Variants in RHCE observed in about 807,000 individuals in gnomAD.
The protein encoded by RHCE is blood group Rh(CE) polypeptide.
RHCE carries 22 observed loss-of-function variants against 43.8 expected under a neutral mutation model. That is an observed-to-expected ratio of 0.50 (90% confidence interval 0.36 to 0.72). RHCE has a LOEUF of 0.72. Ranked by LOEUF, RHCE falls within the 30% of genes least tolerant of loss-of-function variation. The pLI, the probability that RHCE is intolerant of heterozygous loss-of-function variation, is 0.00. For missense variants in RHCE, 385 were observed against 525.4 expected, an observed-to-expected ratio of 0.73 and a Z score of 2.61; for synonymous variants, 156 against 210.7, an observed-to-expected ratio of 0.74 and a Z score of 2.25.
At chr1:25,415,046 T>C (rs1647276274) in intron 1 of RHCE, among the ~76,000 whole-genome samples, 1 of 152,104 alleles carries the variant, frequency 6.6e-6, no homozygotes, top group South Asian at 2.1e-4. Context: ...TCATTGTTCA[T>C]TCATCCTCAC....
Position 25,400,091 on chromosome 1 carries a change from T to C in RHCE, c.486+2505A>G, listed in dbSNP as rs1049416716. The stretch of plus-strand genomic sequence containing the variant: ...CACTCCTGCTTTCCAACTCAAAGGC[T>C]TGACTCTTGCAGTTCATCTCTCTTC... On this transcript the variant is annotated intron_variant, in intron 3 of 9. Transcript: ENST00000294413. Among the ~76,000 whole-genome samples, 11 of 152,304 alleles carry C rather than the reference T, an allele frequency of 7.2e-5. No individual in the cohort carries two copies. The East Asian group carries it at 9.7e-4, about 13-fold the overall frequency.
intron 2 of RHCE, among the ~76,000 whole-genome samples, chr1:25,403,056 G>C (rs2124479084): frequency 6.6e-6 from 1 of 151,632 alleles, no homozygotes; most frequent in African/African-American, 2.4e-5. Flanking sequence ...CGGGGTGACT[G>C]TTCCCTCAGG....
At chr1:25,402,539 C>G (rs1229593042) in intron 3 of RHCE, 57 bp downstream of exon 3, 2 of 1,613,164 alleles carry the variant, frequency 1.2e-6, no homozygotes, top group Non-Finnish European at 1.7e-6. Flanking sequence ...GAAGCCCCAC[C>G]AAATGGAGCT....
chr1:25,388,131 T>TG (rs1411753081), intron 6 of RHCE, among the ~76,000 whole-genome samples: 1 of 148,514 alleles, frequency 6.7e-6, no homozygotes, highest in African/African-American at 2.5e-5. Flanking sequence ...TAGGTTGGAA[T>TG]GCACTCCCTG....
chr1:25,382,970 G>A (rs1646046231), intron 7 of RHCE, among the ~76,000 whole-genome samples: 1 of 152,184 alleles, frequency 6.6e-6, no homozygotes, highest in South Asian at 2.1e-4. Context: ...GGAGGTAGCT[G>A]TAAAAAGAGA....
chr1:25,381,389 T>C (rs1419252015), intron 7 of RHCE, among the ~76,000 whole-genome samples: 1 of 152,156 alleles, frequency 6.6e-6, no homozygotes. Context: ...TCCCTAGTTC[T>C]GGGGTCTTCT....
chr1:25,369,837 C>CT lies in RHCE; in HGVS notation c.1227+629_1227+630insA, dbSNP rs1370294862. Among the ~76,000 whole-genome samples, 5 of 140,534 alleles carry CT rather than the reference C, an allele frequency of 3.6e-5. No individual in the cohort carries two copies. In the East Asian group the frequency reaches 1.1e-3, roughly 30 times the overall value. 92.2% of individuals were successfully genotyped at this position (140,534 alleles called of 152,430 possible). On this transcript the variant is annotated intron_variant, in intron 9 of 9. Transcript: ENST00000294413. ...CACTGCAACCTCTGCCTCCTGATTT[C>CT]AAGCGATTCTCTTGCCTCAGCCTCC...
rs2042827128 is a variant in RHCE, at chr1:25,429,058, G to A, written c.-136-9C>T. The A allele has an allele frequency of 3.9e-5, 6 of 152,202 alleles. 1 individual carries two copies. 9.4% of individuals were successfully genotyped at this position (152,202 alleles called of 1,614,324 possible). ...TCCAGGCACTGGGAGATCTTTGAAG[G>A]TTTGTGAGCAGAAGAAAGTAACACA... On this transcript the variant is annotated splice_polypyrimidine_tract_variant and intron_variant, in intron 1 of 11. Transcript: ENST00000349320.
chr1:25,406,444 C>T (rs1470978636), intron 2 of RHCE, among the ~76,000 whole-genome samples: 1 of 118,216 alleles, frequency 8.5e-6, no homozygotes. Context: ...TCCCAAGTAG[C>T]TGGGATTACA....
In RHCE at chr1:25,416,324, T is replaced by C. The variant is rs549982466; in HGVS notation, c.148+4315A>G. 5.4e-3 allele frequency among the ~76,000 whole-genome samples: 825 copies of C among 152,130 alleles called. 6 individuals carry two copies. Among genetic ancestry groups the C allele is most frequent in the African/African-American group, 0.018 (750 of 41,494 alleles). On this transcript the variant is annotated intron_variant, in intron 1 of 9. Transcript: ENST00000294413. ...TGTTGCCCAGGCTGGAGTGCAGTGG[T>C]GTAATCTCAGCTCACTGAAAGCTCC...
At chr1:25,390,101 C>T (rs905441998) in intron 5 of RHCE, among the ~76,000 whole-genome samples, 1 of 152,104 alleles carries the variant, frequency 6.6e-6, no homozygotes, top group African/African-American at 2.4e-5. Flanking sequence ...ACACCACCAG[C>T]TGGACCCCCT....
intron 1 of RHCE, among the ~76,000 whole-genome samples, chr1:25,410,117 A>C (rs1203195861): frequency 2.0e-5 from 3 of 151,820 alleles, no homozygotes; most frequent in South Asian, 2.1e-4. Flanking sequence ...AGCTGGTCTC[A>C]AACTCCTGAC....
chr1:25,423,656 AG>A (rs2042784278), upstream of RHCE, among the ~76,000 whole-genome samples: 1 of 152,210 alleles, frequency 6.6e-6, no homozygotes, highest in African/African-American at 2.4e-5. Context: ...CTCTTATAAA[AG>A]GCCCCATTTT....
At chr1:25,391,961 A>C (rs1489388797) in intron 4 of RHCE, 33 bp downstream of exon 4, 1 of 1,612,752 alleles carries the variant, frequency 6.2e-7, no homozygotes, top group Admixed American at 1.7e-5. Context: ...GCTCAGCCCA[A>C]GTATGAGACC....
upstream of RHCE, among the ~76,000 whole-genome samples, chr1:25,421,909 A>G (rs2257277): frequency 6.6e-6 from 1 of 152,250 alleles, no homozygotes; most frequent in South Asian, 2.1e-4. Context: ...GCCAGGAGCT[A>G]CAGGGAAGTG....
At chr1:25,382,179 A>C (rs1646021817) in intron 7 of RHCE, among the ~76,000 whole-genome samples, 2 of 148,874 alleles carry the variant, frequency 1.3e-5, no homozygotes, top group Admixed American at 1.3e-4. Flanking sequence ...TACTTCCCAA[A>C]GGCCCTTCCT....
upstream of RHCE, among the ~76,000 whole-genome samples, chr1:25,422,008 C>A (rs1393571815): frequency 6.6e-6 from 1 of 152,104 alleles, no homozygotes; most frequent in Non-Finnish European, 1.5e-5. Context: ...TAGAGGAATG[C>A]AGAAATGTCT....
Position 25,411,437 on chromosome 1 carries a change from C to A in RHCE, c.149-2568G>T. ...GAAAAAGTCTTTGATTTATAAAGTACATTTAAATTCACTTCCATTGAAACG... is the reference window on the plus strand; with the variant it reads ...GAAAAAGTCTTTGATTTATAAAGTAAATTTAAATTCACTTCCATTGAAACG... On this transcript the variant is annotated intron_variant, in intron 1 of 9. Transcript: ENST00000294413. 3 of 1,549,888 alleles carry A rather than the reference C, an allele frequency of 1.9e-6. No homozygotes were observed. The South Asian group carries it at 3.6e-5, about 18-fold the overall frequency.
chr1:25,397,111 C>CAAAAAAA (rs151106139), intron 3 of RHCE, among the ~76,000 whole-genome samples: 13 of 57,996 alleles, frequency 2.2e-4, no homozygotes, highest in African/African-American at 3.3e-4. Flanking sequence ...GACTCTGTCT[C>CAAAAAAA]AAAAAAAAAA....
Sources: gnomAD v4.1 joint callset for allele counts (sites outside exome capture counted in the v4.1 genomes callset) on GRCh38, gnomAD v4.1.1 for gene constraint, MANE v1.5 for transcripts, NCBI Gene and HGNC (gene_info 2026-07-23, HGNC 2026-07-21) for gene names.